The following PRUNE2 variants were observed in gnomAD, a reference collection of about 807,000 sequenced individuals.
PRUNE2 encodes protein prune homolog 2.
PRUNE2 carries 164 observed loss-of-function variants against 252.0 expected under a neutral mutation model. That is an observed-to-expected ratio of 0.65 (90% CI 0.57 to 0.74). PRUNE2 has a LOEUF of 0.74. PRUNE2 is among the 30% of genes least tolerant of loss of function. The pLI is 0.00. For missense variants in PRUNE2, 3,495 were observed against 3,711.0 expected, an observed-to-expected ratio of 0.94 and a Z score of 1.51; for synonymous variants, 1,292 against 1,350.2, an observed-to-expected ratio of 0.96 and a Z score of 0.94.
At chr9:76,791,724 G>A (rs892866964) in intron 6 of PRUNE2, among the ~76,000 whole-genome samples, 4 of 152,178 alleles carry the variant, frequency 2.6e-5, no homozygotes, top group African/African-American at 9.7e-5. Context: ...CATGGCTGAG[G>A]TGATACAACT....
At chr9:76,650,835 T>C (rs1292053917) in intron 11 of PRUNE2, among the ~76,000 whole-genome samples, 1 of 152,194 alleles carries the variant, frequency 6.6e-6, no homozygotes, top group Non-Finnish European at 1.5e-5. Context: ...AGTTTTACTA[T>C]GTTTAAAAAT....
At chr9:76,647,025 C>T (rs921925364) in intron 11 of PRUNE2, among the ~76,000 whole-genome samples, 1 of 151,998 alleles carries the variant, frequency 6.6e-6, no homozygotes, top group African/African-American at 2.4e-5. Flanking sequence ...CCAGTCTCTA[C>T]AAAAAATACA....
chr9:76,653,517 T>G (rs1848174606), intron 10 of PRUNE2, among the ~76,000 whole-genome samples: 1 of 152,200 alleles, frequency 6.6e-6, no homozygotes, highest in South Asian at 2.1e-4. Flanking sequence ...ATGCGATTTT[T>G]TTTTCTTTGA....
chr9:76,653,388 C>T (rs890773540), intron 10 of PRUNE2, among the ~76,000 whole-genome samples: 2 of 152,092 alleles, frequency 1.3e-5, no homozygotes, highest in Non-Finnish European at 2.9e-5. Flanking sequence ...CATGCACATC[C>T]TTCTGTATAC....
At chr9:76,822,626 G>A (rs539849740) in intron 6 of PRUNE2, among the ~76,000 whole-genome samples, 59 of 152,260 alleles carry the variant, frequency 3.9e-4, no homozygotes, top group African/African-American at 1.3e-3. Context: ...TCACCAATAT[G>A]GTGAAACCCT....
chr9:76,719,839 G>T (rs2047476754), intron 6 of PRUNE2, among the ~76,000 whole-genome samples: 1 of 151,926 alleles, frequency 6.6e-6, no homozygotes, highest in South Asian at 2.1e-4. Context: ...TAGAGACAGG[G>T]TCTCACTATG....
intron 6 of PRUNE2, among the ~76,000 whole-genome samples, chr9:76,767,451 C>CAA (rs33948203): frequency 0.051 from 7,521 of 146,454 alleles, 603 homozygotes; most frequent in African/African-American, 0.17. Flanking sequence ...AACTCTGTCT[C>CAA]AAAAAAAAAA....
intron 1 of PRUNE2, among the ~76,000 whole-genome samples, chr9:76,858,068 G>A (rs2060353252): frequency 6.6e-6 from 1 of 152,156 alleles, no homozygotes. Context: ...TTCACAAACA[G>A]ACAAATCATG....
intron 9 of PRUNE2, among the ~76,000 whole-genome samples, chr9:76,658,599 C>CTGTT (rs1850121660): frequency 6.6e-6 from 1 of 152,220 alleles, no homozygotes; most frequent in South Asian, 2.1e-4. Context: ...CTCTCAAGAT[C>CTGTT]TGTTAGGTAA....
intron 6 of PRUNE2, among the ~76,000 whole-genome samples, chr9:76,778,220 A>T (rs1021031071): frequency 3.9e-5 from 6 of 152,334 alleles, no homozygotes; most frequent in Non-Finnish European, 2.9e-5. Context: ...GCTGCAGGCC[A>T]TTGTAAGAGC....
At chr9:76,702,613 A>ATGAATGAATGAAT (rs2045977857) in intron 9 of PRUNE2, among the ~76,000 whole-genome samples, 1 of 152,058 alleles carries the variant, frequency 6.6e-6, no homozygotes, top group Non-Finnish European at 1.5e-5. Flanking sequence ...CACATGGTGA[A>ATGAATGAATGAAT]TGAATGAATG....
At chr9:76,853,676 T>C (rs2060089049) in intron 2 of PRUNE2, among the ~76,000 whole-genome samples, 1 of 152,248 alleles carries the variant, frequency 6.6e-6, no homozygotes, top group Non-Finnish European at 1.5e-5. Flanking sequence ...GCCAATGTGC[T>C]CTGCCATTTA....
chr9:76,861,122 C>T (rs1412128060), intron 1 of PRUNE2, among the ~76,000 whole-genome samples: 2 of 152,172 alleles, frequency 1.3e-5, no homozygotes, highest in Middle Eastern at 3.2e-3. Context: ...GGTACCATGG[C>T]CAAGTGAGCA....
chr9:76,855,695 AT>A (rs1439386413), intron 1 of PRUNE2, among the ~76,000 whole-genome samples: 1 of 151,996 alleles, frequency 6.6e-6, no homozygotes, highest in Admixed American at 6.6e-5. Context: ...ATTAAAATAA[AT>A]TTTTTTTCAA....
intron 6 of PRUNE2, among the ~76,000 whole-genome samples, chr9:76,813,801 G>A (rs928598530): frequency 1.3e-5 from 2 of 152,046 alleles, no homozygotes; most frequent in Admixed American, 1.3e-4. Flanking sequence ...ATGATATATT[G>A]TGTATATCAT....
intron 6 of PRUNE2, among the ~76,000 whole-genome samples, chr9:76,816,527 T>A (rs2057706302): frequency 6.6e-6 from 1 of 152,194 alleles, no homozygotes; most frequent in South Asian, 2.1e-4. Context: ...AAAATTGTAA[T>A]TCACACTTCA....
intron 15 of PRUNE2, among the ~76,000 whole-genome samples, chr9:76,633,939 A>C (rs1204096263): frequency 6.6e-6 from 1 of 152,118 alleles, no homozygotes; most frequent in African/African-American, 2.4e-5. Flanking sequence ...ATGAGACCCC[A>C]TATCTACAAA....
rs1326271284 is a variant in PRUNE2 at position 76,637,498 on chromosome 9, C to T, written c.8883G>A (p.Val2961=). 2 of 1,613,236 alleles carry T rather than the reference C, an allele frequency of 1.2e-6. No individual in the cohort carries two copies. Among genetic ancestry groups the T allele is most frequent in the Non-Finnish European group, 1.7e-6 (2 of 1,179,408 alleles). The part of the protein sequence containing the change: ...ELMVAEDYMI[V]YLNGATPRRR... ...TTCTTGGGGTTGCACCATTCAAGTA[C>T]ACAATCATATAGTCTTCAGCTACCA... Residue 2961 remains valine (V), a synonymous_variant, in exon 14 of 19, where the codon GTG becomes GTA. Transcript: ENST00000376718.
chr9:76,856,448 T>C lies in PRUNE2; in HGVS notation c.37-2240A>G, dbSNP rs369370351. The stretch of plus-strand genomic sequence containing the variant: ...CCCTCAACTTACAGGAAAGAAGACA[T>C]GGGGAGTGTAGCAAGATTTGTGTGC... On this transcript the variant is annotated intron_variant, in intron 1 of 18. Transcript: ENST00000376718. The C allele has an allele frequency of 2.6e-5, 4 of 152,232 alleles. No homozygotes were observed. The East Asian group carries it at 7.7e-4, about 29-fold the overall frequency. 9.4% of individuals were successfully genotyped at this position (152,232 alleles called of 1,614,324 possible).
Sources: allele counts gnomAD v4.1 joint callset (sites outside exome capture counted in the v4.1 genomes callset), GRCh38; gene constraint gnomAD v4.1.1; transcripts MANE v1.5; gene names NCBI Gene and HGNC (gene_info 2026-07-23, HGNC 2026-07-21).